NOP16: variants seen among roughly 807,000 people sequenced by gnomAD.
The protein encoded by NOP16 is nucleolar protein 16.
A neutral mutation model predicts 22.7 loss-of-function variants in NOP16; 14 were observed. The ratio of observed to expected loss-of-function variants is 0.62; its 90% CI spans 0.41 to 0.97. The LOEUF (loss-of-function observed/expected upper bound fraction) is 0.97. Ranked by LOEUF, NOP16 falls within the 50% of genes least tolerant of loss-of-function variation. The pLI, the probability that NOP16 is intolerant of heterozygous loss-of-function variation, is 0.00. For synonymous variants in NOP16, 80 were observed against 83.6 expected, an observed-to-expected ratio of 0.96 and a Z score of 0.23; for missense variants, 198 against 235.9, an observed-to-expected ratio of 0.84 and a Z score of 1.05.
Position 176,385,245 on chromosome 5 carries a change from T to C in NOP16, c.369A>G (p.Val123=), listed in dbSNP as rs1755741700. 6.2e-7 allele frequency: 1 copy of C among 1,610,136 alleles called. No individual in the cohort carries two copies. ...RDLIDYVRYM[V]ENHGEDYKAM... is the part of the protein sequence containing the mutation. Reference sequence around the variant, plus strand: ...CCTTATAGTCCTCCCCGTGGTTCTCTACCATGTAGCGTACATAGTCAATGA... The same window carrying C: ...CCTTATAGTCCTCCCCGTGGTTCTCCACCATGTAGCGTACATAGTCAATGA... The change falls in exon 4 of 5, where the codon GTA becomes GTG. Residue 123 remains valine, a synonymous_variant. Transcript: ENST00000614830.
At position 176,384,194 on chromosome 5, in the gene NOP16, G is replaced by C. The variant is rs1230114839; in HGVS notation, c.*37C>G. 3.7e-6 allele frequency: 6 copies of C among 1,613,954 alleles called. No homozygotes were observed. The highest frequency in any genetic ancestry group is 5.1e-6 in the Non-Finnish European group (6 of 1,180,036). ...CTGGCTCCAGCTTCACTGGTCCGGG[G>C]GACGCCTCAGCCTGGGGCAGCTGTG... On this transcript the variant is annotated 3_prime_UTR_variant, in exon 5 of 5. Transcript: ENST00000614830.
At chr5:176,388,176 G>C in intron 2 of NOP16, 59 bp downstream of exon 2, 1 of 1,300,802 alleles carries the variant, frequency 7.7e-7, no homozygotes, top group Non-Finnish European at 1.1e-6. Context: ...TGACACCTAG[G>C]TCAGTATGGC....
At chr5:176,385,877 A>T (rs564040460) in intron 3 of NOP16, 1 of 152,934 alleles carries the variant, frequency 6.5e-6, no homozygotes, top group Non-Finnish European at 1.5e-5. Flanking sequence ...CTTTTAAAAT[A>T]GACAGGCAAA....
At chr5:176,387,072 C>G in intron 2 of NOP16, 163 bp from the exon 3 acceptor site, 4 of 591,480 alleles carry the variant, frequency 6.8e-6, no homozygotes, top group Non-Finnish European at 1.2e-5. Flanking sequence ...TTTTCTCTCT[C>G]TCTCTCTTTT....
At position 176,384,763 on chromosome 5, in the gene NOP16, C is replaced by G. The variant is rs146301085; in HGVS notation, c.394-389G>C. The G allele has an allele frequency of 4.0e-3, 1,414 of 357,654 alleles. 20 individuals are homozygous for G. Among genetic ancestry groups the G allele is most frequent in the African/African-American group, 0.026 (1,246 of 48,286 alleles). 22.2% of individuals were successfully genotyped at this position (357,654 alleles called of 1,614,324 possible). On this transcript the variant is annotated intron_variant, in intron 4 of 4. Coordinates refer to ENST00000614830, the MANE Select transcript of NOP16 (RefSeq NM_016391.8). ...CCACCCTGGGTGACAGAGCGAGATTCTGTCTCAAAAAAAAGACCAGGAAGG... is the reference window on the plus strand; with the variant it reads ...CCACCCTGGGTGACAGAGCGAGATTGTGTCTCAAAAAAAAGACCAGGAAGG...
intron 4 of NOP16, 87 bp downstream of exon 4, chr5:176,385,134 T>G: frequency 1.2e-6 from 1 of 802,986 alleles, no homozygotes; most frequent in Non-Finnish European, 2.3e-6. Context: ...GCACTCGGTT[T>G]CAGGAAACAG....
chr5:176,386,527 TTCATCCTTAAATTCA>T, intron 3 of NOP16: 1 of 417,346 alleles, frequency 2.4e-6, no homozygotes, highest in South Asian at 2.1e-5. Context: ...TAAAAATCAG[TTCATCCTTAAATTCA>T]TGAGAAGCCA....
chr5:176,388,205 A>G, intron 2 of NOP16, 30 bp downstream of exon 2: 1 of 1,504,964 alleles, frequency 6.6e-7, no homozygotes, highest in Non-Finnish European at 9.2e-7. Flanking sequence ...AGTAAAGAAG[A>G]CAAGGACCGA....
chr5:176,386,421 G>A (rs1273248971), intron 3 of NOP16: 3 of 297,816 alleles, frequency 1.0e-5, no homozygotes, highest in African/African-American at 2.2e-5. Flanking sequence ...TTCCTGTAGG[G>A]TTTACTCTCC....
chr5:176,384,769 C>G (rs1218438949), intron 4 of NOP16: 7 of 354,450 alleles, frequency 2.0e-5, no homozygotes, highest in Non-Finnish European at 3.6e-5. Flanking sequence ...GATTCTGTCT[C>G]AAAAAAAAGA....
intron 4 of NOP16, 125 bp from the exon 5 acceptor site, chr5:176,384,499 G>T: frequency 1.1e-6 from 1 of 922,480 alleles, no homozygotes; most frequent in Non-Finnish European, 1.6e-6. Flanking sequence ...CTCAAAGGCT[G>T]TGGTGCACCG....
chr5:176,384,257 G>A lies in NOP16; in HGVS notation c.511C>T (p.Gln171Ter). 1 of 1,614,200 alleles carries A rather than the reference G, an allele frequency of 6.2e-7. No homozygotes were observed. The highest frequency in any genetic ancestry group is 8.5e-7 in the Non-Finnish European group (1 of 1,180,022). ...AEWQDFLDSL[Q>*]KRKMEVE ...CACTCCACCTCCATCTTCCTCTTCT[G>A]CAAAGAATCGAGGAAGTCTTGCCAC... Residue 171 changes from glutamine to a stop codon, truncating the protein, a stop_gained, in exon 5 of 5, where the codon CAG (glutamine) becomes TAG (stop). Transcript: ENST00000614830. LOFTEE classifies it high-confidence loss of function.
chr5:176,384,474 G>A, intron 4 of NOP16, 100 bp from the exon 5 acceptor site: 1 of 1,229,676 alleles, frequency 8.1e-7, no homozygotes, highest in Non-Finnish European at 1.1e-6. Flanking sequence ...TATCCCTGAG[G>A]TCCAGAATCC....
intron 3 of NOP16, chr5:176,386,450 C>A: frequency 3.0e-6 from 1 of 334,912 alleles, no homozygotes; most frequent in Non-Finnish European, 5.9e-6. Flanking sequence ...AGCGTTCACT[C>A]TCTATAGCCT....
At position 176,388,553 on chromosome 5, in the gene NOP16, G is replaced by A. The variant is rs766681494; in HGVS notation, c.-14C>T. 5.0e-6 allele frequency: 8 copies of A among 1,599,334 alleles called. 1 individual carries two copies. The South Asian group carries it at 8.8e-5, about 18-fold the overall frequency. On this transcript the variant is annotated 5_prime_UTR_variant, in exon 1 of 5. Coordinates refer to ENST00000614830, the MANE Select transcript of NOP16 (RefSeq NM_016391.8). Reference sequence around the variant, plus strand: ...GGCCTTGGGCATCGCGCTGACCACCGCACCAGCAGCTCAAACACGCTGCCT... The same window carrying A: ...GGCCTTGGGCATCGCGCTGACCACCACACCAGCAGCTCAAACACGCTGCCT...
intron 2 of NOP16, 153 bp from the exon 3 acceptor site, chr5:176,387,062 TTTTC>T (rs1035302299): frequency 1.9e-5 from 11 of 581,396 alleles, no homozygotes; most frequent in South Asian, 1.2e-4. Flanking sequence ...CCTGGAGGCT[TTTTC>T]TCTCTCTCTC....
At chr5:176,387,084 T>C in intron 2 of NOP16, 175 bp from the exon 3 acceptor site, 1 of 587,790 alleles carries the variant, frequency 1.7e-6, no homozygotes, top group South Asian at 2.1e-5. Flanking sequence ...CTCTCTTTTT[T>C]TTTTTCTTTT....
At position 176,386,861 on chromosome 5, in the gene NOP16, G is replaced by T. The variant is rs752090377; in HGVS notation, c.265C>A (p.Arg89=). The T allele has an allele frequency of 6.2e-7, 1 of 1,613,902 alleles. No homozygotes were observed. Among genetic ancestry groups the T allele is most frequent in the African/African-American group, 1.3e-5 (1 of 74,904 alleles). ...CCACCATTCAGCACATAGGGCTTCC[G>T]TACAAGCTCTTTAGGCCTCTCCTCT... is the stretch of plus-strand genomic sequence containing the variant. ...DIEERPKELV[R]KPYVLNDLEA... is the part of the protein sequence containing the mutation. Residue 89 remains arginine (R), a synonymous_variant, in exon 3 of 5, where the codon CGG becomes AGG. Transcript: ENST00000614830.
Position 176,388,338 on chromosome 5 carries a change from TG to T in NOP16, c.112del (p.His38ThrfsTer36). 1 of 1,614,134 alleles carries T rather than the reference TG, an allele frequency of 6.2e-7. No individual in the cohort carries two copies. The highest frequency in any genetic ancestry group is 1.1e-5 in the South Asian group (1 of 91,082). On this transcript the variant is annotated frameshift_variant, in exon 2 of 5. Transcript: ENST00000614830. LOFTEE classifies it high-confidence loss of function. ...RKAAPRIECS[H>X]IRHAWDHAKS... ...AGCGTGGTCCCAGGCATGTCGGATG[TG>T]GGAGCTACCGGCAAAGAGAGACATC...
Sources: allele counts gnomAD v4.1 joint callset, GRCh38; gene constraint gnomAD v4.1.1; transcripts MANE v1.5; gene names NCBI Gene and HGNC (gene_info 2026-07-23, HGNC 2026-07-21).